Variants in NSG2 observed in about 807,000 individuals in gnomAD.
NSG2 encodes neuronal vesicle trafficking associated 2, also known as neuronal vesicle trafficking-associated protein 2.
Under a neutral mutation model 16.9 loss-of-function variants are expected in NSG2, and 4 were observed. That is an observed-to-expected ratio of 0.24 (90% CI 0.12 to 0.54). NSG2 has a LOEUF of 0.54. Ranked by LOEUF, NSG2 falls within the 20% of genes least tolerant of loss-of-function variation. The pLI is 0.95. For synonymous variants in NSG2, 98 were observed against 88.7 expected (o/e 1.11, Z -0.59); for missense variants, 179 against 221.1 (o/e 0.81, Z 1.21).
chr5:174,085,118 G>A (rs1760584215), intron 3 of NSG2, among the ~76,000 whole-genome samples: 1 of 152,216 alleles, frequency 6.6e-6, no homozygotes, highest in Non-Finnish European at 1.5e-5. Flanking sequence ...TTAGTGGCAG[G>A]AAGTCAAATG....
chr5:174,070,073 A>G (rs1163103383), intron 3 of NSG2, among the ~76,000 whole-genome samples: 1 of 151,738 alleles, frequency 6.6e-6, no homozygotes, highest in Non-Finnish European at 1.5e-5. Context: ...TTTTTGGTAG[A>G]GATAGGGTCT....
rs1760258553 is a variant in NSG2, at chr5:174,072,325, G to A, written c.213+8010G>A. 6.6e-6 allele frequency among the ~76,000 whole-genome samples: 1 copy of A among 152,216 alleles called. No individual in the cohort carries two copies. The highest frequency in any genetic ancestry group is 1.5e-5 in the Non-Finnish European group (1 of 68,042). On this transcript the variant is annotated intron_variant, in intron 3 of 4. Coordinates refer to ENST00000303177, the MANE Select transcript of NSG2 (RefSeq NM_015980.5). This position sits in a 1 kb window ranked among gnomAD's most constrained non-coding sequence, Gnocchi z 4.0. The stretch of plus-strand genomic sequence containing the variant: ...TAGGTGCATCCACCTCCCAGAAGCA[G>A]TGGCCCTTCCCTCATGATCCTGTCC...
At chr5:174,080,525 T>TTCTTTCTCTCTCTCTCTCTCTC (rs1554101503) in intron 3 of NSG2, among the ~76,000 whole-genome samples, 1 of 125,248 alleles carries the variant, frequency 8.0e-6, no homozygotes, top group African/African-American at 3.2e-5. Context: ...CTTTCTTTCT[T>TTCTTTCTCTCTCTCTCTCTCTC]TCTCTCTCTC....
At chr5:174,091,882 A>G (rs1287593308) in intron 3 of NSG2, among the ~76,000 whole-genome samples, 1 of 152,192 alleles carries the variant, frequency 6.6e-6, no homozygotes, top group East Asian at 1.9e-4. Flanking sequence ...CAGTTTTGCC[A>G]TCTGAAAACC....
At chr5:174,091,680 T>C (rs1322087640) in intron 3 of NSG2, among the ~76,000 whole-genome samples, 1 of 151,664 alleles carries the variant, frequency 6.6e-6, no homozygotes, top group East Asian at 1.9e-4. Context: ...TGTGTGTGTG[T>C]GTGTGTCTGG....
intron 3 of NSG2, among the ~76,000 whole-genome samples, chr5:174,076,282 T>C (rs1760341211): frequency 6.6e-6 from 1 of 152,018 alleles, no homozygotes; most frequent in Non-Finnish European, 1.5e-5. Flanking sequence ...TGGGAGCAAA[T>C]GAAAAATGAA....
intron 3 of NSG2, among the ~76,000 whole-genome samples, chr5:174,067,965 G>A (rs548373074): frequency 1.3e-5 from 2 of 152,242 alleles, no homozygotes; most frequent in Admixed American, 6.5e-5. Context: ...GGGAAGACAG[G>A]TGGTCTGGCC....
chr5:174,101,402 A>G (rs951411301), intron 3 of NSG2, among the ~76,000 whole-genome samples: 1 of 152,180 alleles, frequency 6.6e-6, no homozygotes, highest in Admixed American at 6.5e-5. Context: ...CTAGTTTCAA[A>G]ATGTTTTCAT....
Position 174,107,590 on chromosome 5 carries a change from GTACTCCTGGGATATGGGGGC to G in NSG2, c.*86_*105del. On this transcript the variant is annotated 3_prime_UTR_variant, in exon 5 of 5. Coordinates refer to ENST00000303177, the MANE Select transcript of NSG2 (RefSeq NM_015980.5). The surrounding 1 kb of genome is among the most constrained non-coding windows in gnomAD (Gnocchi z 4.5). ...CAAGCTCCAGTTACAAGACAACACT[GTACTCCTGGGATATGGGGGC>G]GGGGGCGGGGCAGGGCAGGGTGGGG... The G allele has an allele frequency of 1.3e-6, 1 of 778,528 alleles. No homozygotes were observed. The highest frequency in any genetic ancestry group is 1.8e-5 in the African/African-American group (1 of 55,020). 48.2% of individuals were successfully genotyped at this position (778,528 alleles called of 1,614,324 possible).
chr5:174,106,327 A>G (rs1340140449), intron 4 of NSG2, among the ~76,000 whole-genome samples: 2 of 152,192 alleles, frequency 1.3e-5, no homozygotes, highest in Admixed American at 6.5e-5. Context: ...ACCTAGCTCT[A>G]TATCAAGTTA....
chr5:174,046,734 G>A lies in NSG2; in HGVS notation c.-22G>A, dbSNP rs778696299. ...ACCAGAATCCCACTGCTTGCCTTAG[G>A]TCTGGGAAGAAAGGCGTAAGGATGG... On this transcript the variant is annotated splice_region_variant and 5_prime_UTR_variant, in exon 2 of 5. Transcript: ENST00000303177. 13 of 1,613,622 alleles carry A rather than the reference G, an allele frequency of 8.1e-6. No individual in the cohort carries two copies. In the African/African-American group the frequency reaches 1.6e-4, roughly 20 times the overall value.
rs1296050563 is a variant in NSG2, at chr5:174,046,896, C to A, written c.129+12C>A. 1 of 1,613,658 alleles carries A rather than the reference C, an allele frequency of 6.2e-7. No individual in the cohort carries two copies. Among genetic ancestry groups the A allele is most frequent in the Admixed American group, 1.7e-5 (1 of 59,960 alleles). On this transcript the variant is annotated intron_variant, in intron 2 of 4. Coordinates refer to ENST00000303177, the MANE Select transcript of NSG2 (RefSeq NM_015980.5). The stretch of plus-strand genomic sequence containing the variant: ...CTGCTCCAGAAAAGGTAAAGCATGT[C>A]CTCTTGCTCTCATCAGCCCCCAGGC...
chr5:174,078,060 A>G (rs142944783), intron 3 of NSG2, among the ~76,000 whole-genome samples: 278 of 152,342 alleles, frequency 1.8e-3, no homozygotes, highest in African/African-American at 6.2e-3. Flanking sequence ...TCAAAACAAA[A>G]TACAATTTAA....
chr5:174,081,383 C>A (rs1055081482), intron 3 of NSG2: 1 of 152,064 alleles, frequency 6.6e-6, no homozygotes, highest in South Asian at 2.1e-4. Flanking sequence ...TCTGCATTTA[C>A]GGACATGGTG....
chr5:174,088,418 G>A (rs1426159585), intron 3 of NSG2, among the ~76,000 whole-genome samples: 1 of 152,118 alleles, frequency 6.6e-6, no homozygotes, highest in Non-Finnish European at 1.5e-5. Context: ...CCAAGGAAAC[G>A]ATTCCTTTTC....
chr5:174,055,026 T>C (rs1364031992), intron 2 of NSG2, among the ~76,000 whole-genome samples: 1 of 152,234 alleles, frequency 6.6e-6, no homozygotes, highest in Non-Finnish European at 1.5e-5. Context: ...GTAATTATTA[T>C]TGCTGTTGTT....
intron 3 of NSG2, among the ~76,000 whole-genome samples, chr5:174,099,641 C>G (rs1219434800): frequency 6.6e-6 from 1 of 152,154 alleles, no homozygotes; most frequent in Non-Finnish European, 1.5e-5. Context: ...CCCCATCACT[C>G]ACACCCCTTG....
At chr5:174,082,958 C>G (rs2113456583) in intron 3 of NSG2, among the ~76,000 whole-genome samples, 1 of 152,302 alleles carries the variant, frequency 6.6e-6, no homozygotes, top group South Asian at 2.1e-4. Context: ...CTCTCTAGTG[C>G]CCCCAGTAAA....
chr5:174,059,079 C>A (rs1014856057), intron 2 of NSG2, among the ~76,000 whole-genome samples: 1 of 152,200 alleles, frequency 6.6e-6, no homozygotes, highest in Admixed American at 6.5e-5. Context: ...ATGGTCCCAA[C>A]TCTGCCTAAT....
Sources: allele counts gnomAD v4.1 joint callset (sites outside exome capture counted in the v4.1 genomes callset), GRCh38; gene constraint gnomAD v4.1.1; non-coding constraint Gnocchi (gnomAD v3.1); transcripts MANE v1.5; gene names NCBI Gene and HGNC (gene_info 2026-07-23, HGNC 2026-07-21).